Variants in MINDY2 observed in about 807,000 individuals in gnomAD.
The protein encoded by MINDY2 is ubiquitin carboxyl-terminal hydrolase MINDY-2.
MINDY2 carries 52 observed loss-of-function variants against 68.2 expected under a neutral mutation model. The ratio of observed to expected loss-of-function variants is 0.76; its 90% CI spans 0.61 to 0.96. The LOEUF (loss-of-function observed/expected upper bound fraction) is 0.96. MINDY2 is among the 40% of genes least tolerant of loss of function. The pLI is 0.00. For missense variants in MINDY2, 881 were observed against 773.4 expected, an observed-to-expected ratio of 1.14 and a Z score of -1.65; for synonymous variants, 372 against 303.0, an observed-to-expected ratio of 1.23 and a Z score of -2.36.
chr15:58,829,547 G>A (rs545322650), intron 5 of MINDY2, among the ~76,000 whole-genome samples: 1 of 152,244 alleles, frequency 6.6e-6, no homozygotes, highest in African/African-American at 2.4e-5. Context: ...AAAGTAATGT[G>A]CTATATCTCC....
chr15:58,849,294 A>T (rs143093190), intron 7 of MINDY2, among the ~76,000 whole-genome samples: 30 of 152,060 alleles, frequency 2.0e-4, no homozygotes, highest in African/African-American at 7.2e-4. Flanking sequence ...CGAGGTCGGG[A>T]GATCAAGACC....
intron 5 of MINDY2, among the ~76,000 whole-genome samples, chr15:58,826,329 A>C (rs1174738944): frequency 6.7e-6 from 1 of 148,330 alleles, no homozygotes; most frequent in East Asian, 2.0e-4. Context: ...TCCCAGGCTC[A>C]AGCGATTCTC....
chr15:58,809,599 CTT>C (rs1331028280), intron 3 of MINDY2, among the ~76,000 whole-genome samples: 2 of 152,182 alleles, frequency 1.3e-5, no homozygotes, highest in African/African-American at 4.8e-5. Context: ...CCTTCTTCCT[CTT>C]TGACTTGAAA....
intron 1 of MINDY2, among the ~76,000 whole-genome samples, chr15:58,784,987 A>C (rs1451344173): frequency 1.3e-5 from 2 of 151,984 alleles, no homozygotes; most frequent in African/African-American, 4.8e-5. Flanking sequence ...ACAGACTGCC[A>C]CAACTGTTAA....
At position 58,810,211 on chromosome 15, in the gene MINDY2, T is replaced by C; in HGVS notation, c.964-19T>C. The C allele has an allele frequency of 6.3e-7, 1 of 1,583,924 alleles. No individual in the cohort carries two copies. Among genetic ancestry groups the C allele is most frequent in the Non-Finnish European group, 8.6e-7 (1 of 1,166,134 alleles). ...TTTTGATGTTTCTGAATTAGAACTTTCCCCTTTTCTATTTTCAGAATATGA... is the reference window on the plus strand; with the variant it reads ...TTTTGATGTTTCTGAATTAGAACTTCCCCCTTTTCTATTTTCAGAATATGA... On this transcript the variant is annotated intron_variant, in intron 3 of 8. Transcript: ENST00000559228.
At chr15:58,796,167 G>T in intron 2 of MINDY2, 2 of 455,576 alleles carry the variant, frequency 4.4e-6, no homozygotes, top group Non-Finnish European at 8.8e-6. Flanking sequence ...TGGGAAGTGG[G>T]TAAGGAGTAG....
chr15:58,810,856 C>G (rs569232310), intron 4 of MINDY2, among the ~76,000 whole-genome samples: 32 of 152,352 alleles, frequency 2.1e-4, no homozygotes, highest in African/African-American at 6.7e-4. Context: ...CTCAGGACAT[C>G]ATACCCTCCT....
intron 8 of MINDY2, among the ~76,000 whole-genome samples, chr15:58,852,451 G>A (rs913585198): frequency 3.3e-5 from 5 of 152,112 alleles, no homozygotes; most frequent in South Asian, 2.1e-4. Flanking sequence ...GTTTTCTCCT[G>A]AGGTTCTGAT....
chr15:58,852,007 C>G, intron 8 of MINDY2, 42 bp downstream of exon 8: 1 of 1,463,148 alleles, frequency 6.8e-7, no homozygotes, highest in Non-Finnish European at 9.2e-7. Context: ...ATGATCATGG[C>G]TGGGTGTAGT....
chr15:58,834,217 A>G (rs1056209143), intron 6 of MINDY2, among the ~76,000 whole-genome samples: 2 of 152,172 alleles, frequency 1.3e-5, no homozygotes, highest in Non-Finnish European at 2.9e-5. Context: ...TTTTCTTAAT[A>G]CAGAACAAAA....
chr15:58,802,247 T>G, intron 2 of MINDY2, 66 bp from the exon 3 acceptor site: 1 of 1,033,070 alleles, frequency 9.7e-7, no homozygotes, highest in South Asian at 1.5e-5. Flanking sequence ...TAAGATCTAT[T>G]ACTTTTGTAA....
At chr15:58,772,733 CTT>C (rs1469736742) in intron 1 of MINDY2, among the ~76,000 whole-genome samples, 2 of 152,162 alleles carry the variant, frequency 1.3e-5, no homozygotes, top group African/African-American at 2.4e-5. Flanking sequence ...AGATGTGGCT[CTT>C]TAGACAAATT....
At chr15:58,803,458 C>G (rs1595728890) in intron 3 of MINDY2, among the ~76,000 whole-genome samples, 1 of 147,550 alleles carries the variant, frequency 6.8e-6, no homozygotes, top group East Asian at 2.0e-4. Context: ...CAGAGCAAGA[C>G]TCTGTCTCAT....
rs185381780 is a variant in MINDY2, at chr15:58,800,236, G to T, written c.899-2077G>T. ...TTTAGAATATCCCATTAGTAGCAAG[G>T]TTTTCTTAATTCTTTCCTTGAAATT... On this transcript the variant is annotated intron_variant, in intron 2 of 8. Transcript: ENST00000559228. Among the ~76,000 whole-genome samples the T allele has an allele frequency of 3.7e-4, 57 of 152,146 alleles. 2 individuals are homozygous for T. The East Asian group carries it at 0.011, about 28-fold the overall frequency.
chr15:58,803,847 G>A (rs373685173), intron 3 of MINDY2, among the ~76,000 whole-genome samples: 5 of 149,716 alleles, frequency 3.3e-5, no homozygotes, highest in East Asian at 4.0e-4. Context: ...GGTGGCTCAC[G>A]CCTGTAATTC....
At chr15:58,788,574 C>T (rs1173030880) in intron 2 of MINDY2, among the ~76,000 whole-genome samples, 1 of 152,212 alleles carries the variant, frequency 6.6e-6, no homozygotes, top group Admixed American at 6.5e-5. Context: ...AGACTGGCTA[C>T]ATTGAGTTGA....
intron 4 of MINDY2, among the ~76,000 whole-genome samples, chr15:58,813,199 T>A (rs1184520571): frequency 6.6e-6 from 1 of 152,102 alleles, no homozygotes; most frequent in African/African-American, 2.4e-5. Context: ...TTAAAGAGCA[T>A]CTGGGTGTTT....
At chr15:58,809,759 A>C (rs2030091410) in intron 3 of MINDY2, among the ~76,000 whole-genome samples, 1 of 152,206 alleles carries the variant, frequency 6.6e-6, no homozygotes, top group Admixed American at 6.5e-5. Flanking sequence ...TGTTAGTTGC[A>C]TAAGAGCATG....
intron 4 of MINDY2, among the ~76,000 whole-genome samples, chr15:58,811,985 A>G (rs620284): frequency 0.013 from 1,950 of 152,350 alleles, 35 homozygotes; most frequent in African/African-American, 0.037. Context: ...AAATAATATT[A>G]GTTAATTGTA....
Sources: gnomAD v4.1 joint callset for allele counts (sites outside exome capture counted in the v4.1 genomes callset) on GRCh38, gnomAD v4.1.1 for gene constraint, MANE v1.5 for transcripts, NCBI Gene and HGNC (gene_info 2026-07-23, HGNC 2026-07-21) for gene names.